The following PLA2G4F variants were observed in gnomAD, a reference collection of about 807,000 sequenced individuals.
The protein encoded by PLA2G4F is phospholipase A2 group IVF.
A neutral mutation model predicts 103.1 loss-of-function variants in PLA2G4F; 105 were observed. The observed-to-expected ratio is 1.02, with a 90% CI of 0.87 to 1.20. The LOEUF (loss-of-function observed/expected upper bound fraction) is 1.20. Among genes scored for constraint, PLA2G4F ranks in the 50% most tolerant of loss-of-function variants. PLA2G4F has a pLI of 0.00. For synonymous variants in PLA2G4F, 468 were observed against 441.1 expected (o/e 1.06, Z -0.76); for missense variants, 1,155 against 1,075.9 (o/e 1.07, Z -1.03).
At chr15:42,142,386 G>T (rs2048834379) in intron 19 of PLA2G4F, 142 bp downstream of exon 19, 4 of 1,196,718 alleles carry the variant, frequency 3.3e-6, no homozygotes, top group South Asian at 3.1e-5. Flanking sequence ...TGAGACCCAG[G>T]GAGCAGAGGG....
chr15:42,153,014 G>T (rs2140814679), intron 6 of PLA2G4F, among the ~76,000 whole-genome samples: 1 of 152,348 alleles, frequency 6.6e-6, no homozygotes. Context: ...TGGTGGGAAA[G>T]GGGGAGGAGT....
Position 42,150,409 on chromosome 15 carries a change from TA to T in PLA2G4F, c.848del (p.Leu283GlnfsTer19). On this transcript the variant is annotated frameshift_variant, in exon 9 of 20. Coordinates refer to ENST00000397272, the MANE Select transcript of PLA2G4F (RefSeq NM_213600.4). LOFTEE classifies it high-confidence loss of function. ...EGGILLSSLPLGQEEQCSVAL... is the reference protein window; with the variant it reads ...EGGILLSSLPXGQEEQCSVAL... ...CCACAGAACACTGTTCCTCCTGGCC[TA>T]GGGGCAGAGAGGAGAGCAGGATGCC... 1.2e-6 allele frequency: 2 copies of T among 1,612,900 alleles called. No homozygotes were observed. The highest frequency in any genetic ancestry group is 1.7e-6 in the Non-Finnish European group (2 of 1,179,814).
intron 11 of PLA2G4F, chr15:42,148,916 G>T (rs2048922855): frequency 1.0e-6 from 1 of 985,338 alleles, no homozygotes; most frequent in Admixed American, 6.1e-5. Context: ...CTAGCACAGA[G>T]AGGGCATACA....
At position 42,143,961 on chromosome 15, in the gene PLA2G4F, C is replaced by T. The variant is rs529453929; in HGVS notation, c.2142+17G>A. On this transcript the variant is annotated intron_variant, in intron 18 of 19. Transcript: ENST00000397272. ...ACTCACTGCAGGTGCTCCCCACATCCCTGCCTCCCAGCTCACCTCAAAAGG... is the reference window on the plus strand; with the variant it reads ...ACTCACTGCAGGTGCTCCCCACATCTCTGCCTCCCAGCTCACCTCAAAAGG... 6.3e-6 allele frequency: 10 copies of T among 1,588,968 alleles called. No homozygotes were observed. Among genetic ancestry groups the T allele is most frequent in the African/African-American group, 4.0e-5 (3 of 74,534 alleles).
intron 17 of PLA2G4F, 150 bp from the exon 18 acceptor site, chr15:42,144,294 C>T: frequency 7.2e-7 from 1 of 1,388,290 alleles, no homozygotes; most frequent in Non-Finnish European, 9.7e-7. Context: ...GCCCTGCCTT[C>T]CAGCTTCCAG....
Position 42,142,038 on chromosome 15 carries a change from G to C in PLA2G4F, c.2496C>G (p.Cys832Trp). Reference protein sequence around the residue: ...NVLNNVETLKCALQLALDRHQ... With the variant: ...NVLNNVETLKWALQLALDRHQ... ...GCCGGTCCAGAGCCAGCTGGAGGGC[G>C]CACTTCAAGGTCTCCACGTTGTTCA... The change falls in exon 20 of 20, where the codon TGC becomes TGG. Residue 832 changes from cysteine to tryptophan, a missense_variant. Cys to Trp is a radical substitution (Grantham distance 215). Around this residue, in one of 3 missense-constraint regions of PLA2G4F, gnomAD observed 782 missense variants for 692.9 expected, o/e 1.13. Transcript: ENST00000397272. 1 of 1,614,116 alleles carries C rather than the reference G, an allele frequency of 6.2e-7. No individual in the cohort carries two copies. Among genetic ancestry groups the C allele is most frequent in the Non-Finnish European group, 8.5e-7 (1 of 1,180,030 alleles).
intron 2 of PLA2G4F, 120 bp from the exon 3 acceptor site, chr15:42,154,578 A>G (rs1365977279): frequency 2.0e-5 from 24 of 1,194,548 alleles, no homozygotes; most frequent in Admixed American, 9.2e-5. Context: ...CCCACGTGGC[A>G]TGGTGGGGTG....
Position 42,144,049 on chromosome 15 carries a change from G to T in PLA2G4F, c.2071C>A (p.Leu691Met). 6.2e-7 allele frequency: 1 copy of T among 1,614,130 alleles called. No homozygotes were observed. The highest frequency in any genetic ancestry group is 8.5e-7 in the Non-Finnish European group (1 of 1,180,004). Residue 691 changes from leucine to methionine, a missense_variant, in exon 18 of 20, where the codon CTG becomes ATG. Leu to Met is a conservative substitution (Grantham distance 15). Around this residue, in one of 3 missense-constraint regions of PLA2G4F, gnomAD observed 782 missense variants for 692.9 expected, o/e 1.13. Coordinates refer to ENST00000397272, the MANE Select transcript of PLA2G4F (RefSeq NM_213600.4). ...ACTGCTCTCTGAGGCAGCAGAGCCA[G>T]TGGGAACGGAGAGTTGATGGCAAAG... ...GGFAINSPFPLALLPQRAVDL... is the reference protein window; with the variant it reads ...GGFAINSPFPMALLPQRAVDL...
rs142823029 is a variant in PLA2G4F at position 42,149,845 on chromosome 15, G to A, written c.927C>T (p.Ser309=). The A allele has an allele frequency of 4.8e-5, 78 of 1,614,162 alleles. No homozygotes were observed. The highest frequency in any genetic ancestry group is 6.0e-5 in the Non-Finnish European group (71 of 1,180,040). The change falls in exon 11 of 20, where the codon TCC becomes TCT. Residue 309 remains serine (S), a synonymous_variant. Coordinates refer to ENST00000397272, the MANE Select transcript of PLA2G4F (RefSeq NM_213600.4). ...VALSMKVEMS[S]GDLDLRLGFD... is the part of the protein sequence containing the mutation. ...AGCCAAGGCGTAGGTCTAGGTCCCC[G>A]GAGCTGCCTCAAGTAGGGTGGGGTG...
chr15:42,146,331 T>C (rs2048885041), intron 13 of PLA2G4F, 90 bp from the exon 14 acceptor site: 1 of 1,243,486 alleles, frequency 8.0e-7, no homozygotes, highest in Non-Finnish European at 1.2e-6. Flanking sequence ...CAAGGCGTGG[T>C]GTGCCCACAA....
rs1566880762 is a variant in PLA2G4F at position 42,150,490 on chromosome 15, T to A, written c.772-4A>T. ...CCAACTCTGCGCTGGGGCCACTCTG[T>A]GGAAAAGAAAACACCCAAGAAGCTC... is the stretch of plus-strand genomic sequence containing the variant. On this transcript the variant is annotated splice_region_variant and splice_polypyrimidine_tract_variant and intron_variant, in intron 8 of 19. Transcript: ENST00000397272. The A allele has an allele frequency of 6.2e-7, 1 of 1,610,180 alleles. No individual in the cohort carries two copies. Among genetic ancestry groups the A allele is most frequent in the African/African-American group, 1.3e-5 (1 of 74,716 alleles).
rs370121978 is a variant in PLA2G4F at position 42,152,669 on chromosome 15, G to A, written c.601+19C>T. 29 of 1,553,336 alleles carry A rather than the reference G, an allele frequency of 1.9e-5. No homozygotes were observed. The African/African-American group carries it at 3.8e-4, about 20-fold the overall frequency. ...CCGGGAGAGAAGGCAAAAGACCCAA[G>A]GCCGCTGAGCAGACTCACCGTACTC... On this transcript the variant is annotated intron_variant, in intron 7 of 19. Coordinates refer to ENST00000397272, the MANE Select transcript of PLA2G4F (RefSeq NM_213600.4).
intron 11 of PLA2G4F, chr15:42,149,374 C>T: frequency 1.1e-5 from 7 of 649,338 alleles, no homozygotes; most frequent in Non-Finnish European, 1.3e-5. Flanking sequence ...CGAGACAGCT[C>T]CACCAGGAAG....
chr15:42,156,380 C>A, intron 1 of PLA2G4F, 59 bp downstream of exon 1: 1 of 1,398,460 alleles, frequency 7.2e-7, no homozygotes, highest in Non-Finnish European at 9.9e-7. Context: ...CTTCACAGGG[C>A]ACTGCAGCTC....
Position 42,140,975 on chromosome 15 carries a change from T to G in PLA2G4F, c.*1009A>C. 3.0e-6 allele frequency: 1 copy of G among 336,336 alleles called. No individual in the cohort carries two copies. Among genetic ancestry groups the G allele is most frequent in the South Asian group, 2.4e-5 (1 of 41,764 alleles). The allele number at this position is 336,336 out of a possible 1,614,324, so 20.8% of individuals were successfully genotyped here. A position where few individuals can be genotyped will look rare whatever the true frequency, so the allele number is the denominator to read the frequency against. Reference sequence around the variant, plus strand: ...AGAGAGGTTCTAGGTATTTGGAGAGTCCCTGGCGGGTCAGGGGAAATGGAG... The same window carrying G: ...AGAGAGGTTCTAGGTATTTGGAGAGGCCCTGGCGGGTCAGGGGAAATGGAG... On this transcript the variant is annotated 3_prime_UTR_variant, in exon 20 of 20. Transcript: ENST00000397272.
chr15:42,148,855 C>T, intron 11 of PLA2G4F: 1 of 985,430 alleles, frequency 1.0e-6, no homozygotes, highest in South Asian at 4.7e-5. Flanking sequence ...CTGGCCACTG[C>T]TCACAGAAGG....
intron 19 of PLA2G4F, 61 bp from the exon 20 acceptor site, chr15:42,142,265 C>T (rs2141124080): frequency 6.7e-7 from 1 of 1,485,080 alleles, no homozygotes; most frequent in Non-Finnish European, 9.2e-7. Flanking sequence ...CTGGCTGGAA[C>T]AGCCCAGAAG....
intron 11 of PLA2G4F, 156 bp downstream of exon 11, chr15:42,149,557 G>A (rs1281399114): frequency 1.0e-6 from 1 of 985,284 alleles, no homozygotes; most frequent in African/African-American, 1.7e-5. Flanking sequence ...TTTGGCCCTG[G>A]TCCCATATGG....
intron 16 of PLA2G4F, among the ~76,000 whole-genome samples, chr15:42,145,123 G>A (rs956115517): frequency 1.3e-5 from 2 of 152,188 alleles, no homozygotes; most frequent in African/African-American, 4.8e-5. Flanking sequence ...ATGTGCACAT[G>A]GTCCTAGGGG....
Sources: allele counts gnomAD v4.1 joint callset (sites outside exome capture counted in the v4.1 genomes callset), GRCh38; gene constraint gnomAD v4.1.1; regional missense constraint gnomAD v4.1.1; transcripts MANE v1.5; gene names NCBI Gene and HGNC (gene_info 2026-07-23, HGNC 2026-07-21).